SGCZ: variants seen among roughly 807,000 people sequenced by gnomAD.
SGCZ encodes sarcoglycan zeta.
In SGCZ, 40 loss-of-function variants were observed where a neutral mutation model predicts 41.3. That is an observed-to-expected ratio of 0.97 (90% CI 0.75 to 1.26). The LOEUF (loss-of-function observed/expected upper bound fraction) is 1.26, where lower values mean the gene tolerates loss of function less well. SGCZ is among the 50% of genes most tolerant of loss of function. The pLI, the probability that SGCZ is intolerant of heterozygous loss-of-function variation, is 0.00. For synonymous variants in SGCZ, 206 were observed against 137.5 expected (o/e 1.50, Z -3.49); for missense variants, 552 against 369.8 (o/e 1.49, Z -4.04).
intron 1 of SGCZ, among the ~76,000 whole-genome samples, chr8:15,224,522 G>T (rs1034199258): frequency 2.6e-5 from 4 of 152,032 alleles, no homozygotes; most frequent in Non-Finnish European, 5.9e-5. Flanking sequence ...TCAAATAAAA[G>T]GGAAGTAATT....
At chr8:15,162,860 C>A (rs992982753) in intron 1 of SGCZ, among the ~76,000 whole-genome samples, 3 of 152,082 alleles carry the variant, frequency 2.0e-5, no homozygotes, top group African/African-American at 7.2e-5. Flanking sequence ...ATTTATCCTA[C>A]AATAGCAAGG....
chr8:14,782,266 T>C (rs1800615115), intron 1 of SGCZ, among the ~76,000 whole-genome samples: 1 of 152,216 alleles, frequency 6.6e-6, no homozygotes, highest in African/African-American at 2.4e-5. Flanking sequence ...GTAAAAACTC[T>C]GTCATTTTAA....
intron 1 of SGCZ, among the ~76,000 whole-genome samples, chr8:14,669,777 T>A (rs1233800376): frequency 3.3e-5 from 5 of 152,140 alleles, no homozygotes; most frequent in Non-Finnish European, 7.3e-5. Context: ...TGTTTCCATA[T>A]CTTGTCTATT....
chr8:14,229,001 C>T (rs141696489), intron 4 of SGCZ, among the ~76,000 whole-genome samples: 278 of 152,132 alleles, frequency 1.8e-3, no homozygotes, highest in Middle Eastern at 6.8e-3. Flanking sequence ...TGTAGAACTG[C>T]AGTGATTGAT....
At chr8:14,410,849 T>C (rs996229322) in intron 2 of SGCZ, among the ~76,000 whole-genome samples, 1 of 152,138 alleles carries the variant, frequency 6.6e-6, no homozygotes, top group Non-Finnish European at 1.5e-5. Context: ...CAACCACTCT[T>C]CTTTTCAAAT....
intron 1 of SGCZ, among the ~76,000 whole-genome samples, chr8:14,585,901 T>C (rs1805041553): frequency 1.3e-5 from 2 of 152,142 alleles, no homozygotes; most frequent in South Asian, 4.1e-4. Context: ...AGTGGTGAAG[T>C]TGGCCACACA....
At chr8:14,468,435 G>C (rs762850733) in intron 2 of SGCZ, among the ~76,000 whole-genome samples, 1 of 151,790 alleles carries the variant, frequency 6.6e-6, no homozygotes, top group Admixed American at 6.6e-5. Flanking sequence ...GAATTATTTT[G>C]CACTCTCAAA....
intron 1 of SGCZ, among the ~76,000 whole-genome samples, chr8:14,886,278 C>T (rs1804801802): frequency 1.3e-5 from 2 of 151,672 alleles, no homozygotes; most frequent in African/African-American, 4.8e-5. Flanking sequence ...TGAGAGATAG[C>T]ATAGAATAAA....
intron 2 of SGCZ, among the ~76,000 whole-genome samples, chr8:14,408,250 G>C (rs1455597817): frequency 6.6e-6 from 1 of 152,012 alleles, no homozygotes; most frequent in Non-Finnish European, 1.5e-5. Context: ...TTGCAGTTTT[G>C]GTCTTTGCAG....
intron 1 of SGCZ, among the ~76,000 whole-genome samples, chr8:14,816,308 G>C (rs1801901903): frequency 6.6e-6 from 1 of 152,182 alleles, no homozygotes; most frequent in African/African-American, 2.4e-5. Context: ...GATGAGGCTG[G>C]AGGAAACATT....
intron 1 of SGCZ, among the ~76,000 whole-genome samples, chr8:15,174,788 G>A (rs1044790910): frequency 6.6e-6 from 1 of 152,102 alleles, no homozygotes; most frequent in Non-Finnish European, 1.5e-5. Flanking sequence ...GCATTTCCTT[G>A]ACTAGCGACT....
rs552966651 is a variant in SGCZ, at chr8:14,521,972, T to G, written c.234+32760A>C. ...TCTGAGAGGCTTAATCATGGATGTG[T>G]GCAGAAATTTTAAAATGTTTTTTTC... On this transcript the variant is annotated intron_variant, in intron 2 of 7. Coordinates refer to ENST00000382080, the MANE Select transcript of SGCZ (RefSeq NM_139167.4). Among the ~76,000 whole-genome samples, 19 of 152,268 alleles carry G rather than the reference T, an allele frequency of 1.2e-4. 1 individual carries two copies. The highest frequency in any genetic ancestry group is 4.6e-4 in the African/African-American group (19 of 41,574).
Position 14,089,417 on chromosome 8 carries a change from A to T in SGCZ, c.*1026T>A, listed in dbSNP as rs1299882255. Among the ~76,000 whole-genome samples, 1 of 151,988 alleles carries T rather than the reference A, an allele frequency of 6.6e-6. No individual in the cohort carries two copies. On this transcript the variant is annotated 3_prime_UTR_variant, in exon 8 of 8. Coordinates refer to ENST00000382080, the MANE Select transcript of SGCZ (RefSeq NM_139167.4). ...GATGGAGAATAATTCTGAAGATGAT[A>T]CCCCAATGGAAAGAGAATTTATTCT...
intron 1 of SGCZ, among the ~76,000 whole-genome samples, chr8:14,852,113 T>C (rs1401257123): frequency 6.6e-6 from 1 of 152,176 alleles, no homozygotes; most frequent in Non-Finnish European, 1.5e-5. Flanking sequence ...ATCAAATTAT[T>C]ATTTTTTTAA....
chr8:14,092,136 A>G (rs1801706311), intron 7 of SGCZ, among the ~76,000 whole-genome samples: 1 of 151,842 alleles, frequency 6.6e-6, no homozygotes, highest in South Asian at 2.1e-4. Flanking sequence ...GTAGATATCT[A>G]GTGTTATTGC....
chr8:14,371,508 C>CA (rs151007664), intron 2 of SGCZ, among the ~76,000 whole-genome samples: 3,028 of 149,574 alleles, frequency 0.02, 80 homozygotes, highest in African/African-American at 0.056. Context: ...TCCTAAATTT[C>CA]GTATGTAAAT....
chr8:14,787,601 C>T (rs1048106151), intron 1 of SGCZ, among the ~76,000 whole-genome samples: 2 of 152,088 alleles, frequency 1.3e-5, no homozygotes, highest in Non-Finnish European at 2.9e-5. Context: ...AATCCCAGCA[C>T]TTTGGGGGAC....
At chr8:14,744,849 G>C (rs190996426) in intron 1 of SGCZ, among the ~76,000 whole-genome samples, 1 of 152,098 alleles carries the variant, frequency 6.6e-6, no homozygotes, top group South Asian at 2.1e-4. Context: ...GTTTTCCTCA[G>C]GGACTATCGT....
At chr8:14,943,716 C>G (rs370618383) in intron 1 of SGCZ, among the ~76,000 whole-genome samples, 28 of 152,146 alleles carry the variant, frequency 1.8e-4, no homozygotes, top group African/African-American at 6.5e-4. Flanking sequence ...GTTTTTTAAT[C>G]CTCTCCCATC....
Sources: allele counts gnomAD v4.1 joint callset (sites outside exome capture counted in the v4.1 genomes callset), GRCh38; gene constraint gnomAD v4.1.1; transcripts MANE v1.5; gene names NCBI Gene and HGNC (gene_info 2026-07-23, HGNC 2026-07-21).